The following NFKB1 variants were observed in gnomAD, a reference collection of about 807,000 sequenced individuals.
NFKB1 encodes the protein nuclear factor NF-kappa-B p105 subunit.
In NFKB1, 9 loss-of-function variants were observed where a neutral mutation model predicts 105.1. The ratio of observed to expected loss-of-function variants is 0.09; its 90% CI spans 0.05 to 0.15. NFKB1 has a LOEUF of 0.15. NFKB1 is among the 10% of genes least tolerant of loss of function. The pLI is 1.00. For missense variants in NFKB1, 830 were observed against 1,203.7 expected (o/e 0.69, Z 4.59); for synonymous variants, 440 against 442.2 (o/e 1.00, Z 0.06).
chr4:102,575,852 G>A (rs1462913160), intron 6 of NFKB1, among the ~76,000 whole-genome samples: 3 of 151,810 alleles, frequency 2.0e-5, no homozygotes, highest in South Asian at 2.1e-4. Context: ...TTTCTTCTCC[G>A]TTGTCACACT....
At chr4:102,504,514 A>T (rs1486575088) in intron 1 of NFKB1, among the ~76,000 whole-genome samples, 1 of 152,188 alleles carries the variant, frequency 6.6e-6, no homozygotes, top group Non-Finnish European at 1.5e-5. Flanking sequence ...GAGAAGGAGA[A>T]GGAAAAATAG....
intron 1 of NFKB1, among the ~76,000 whole-genome samples, chr4:102,516,801 T>C (rs544864104): frequency 6.6e-5 from 10 of 152,350 alleles, no homozygotes; most frequent in Non-Finnish European, 1.2e-4. Flanking sequence ...TTAAAACGTG[T>C]TGAGCTTTGT....
intron 1 of NFKB1, chr4:102,503,429 C>T (rs1739216183): frequency 6.6e-6 from 1 of 151,846 alleles, no homozygotes; most frequent in Admixed American, 6.6e-5. Flanking sequence ...ATACTGGAAC[C>T]GAAAAGCTGC....
chr4:102,551,369 C>CGCGCGT (rs1553931304), intron 5 of NFKB1, among the ~76,000 whole-genome samples: 5 of 85,644 alleles, frequency 5.8e-5, no homozygotes, highest in African/African-American at 1.5e-4. Flanking sequence ...TGTGTGTGTG[C>CGCGCGT]GCGCGCGCAT....
At chr4:102,520,669 A>G (rs1229608071) in intron 1 of NFKB1, among the ~76,000 whole-genome samples, 1 of 152,148 alleles carries the variant, frequency 6.6e-6, no homozygotes, top group African/African-American at 2.4e-5. Flanking sequence ...AAAAACTTTC[A>G]GAAATCAGCT....
intron 5 of NFKB1, among the ~76,000 whole-genome samples, chr4:102,557,467 T>C (rs1723072863): frequency 1.3e-5 from 2 of 152,148 alleles, no homozygotes; most frequent in Admixed American, 1.3e-4. Context: ...ACTCCACTAG[T>C]TTGAGATCTT....
At chr4:102,590,083 T>C (rs568136449) in intron 11 of NFKB1, among the ~76,000 whole-genome samples, 1 of 152,342 alleles carries the variant, frequency 6.6e-6, no homozygotes, top group Admixed American at 6.5e-5. Flanking sequence ...CACCAGAGGT[T>C]ACAGATCCCT....
intron 1 of NFKB1, among the ~76,000 whole-genome samples, chr4:102,519,368 T>C (rs922853423): frequency 4.1e-5 from 6 of 147,900 alleles, no homozygotes; most frequent in Non-Finnish European, 7.4e-5. Flanking sequence ...AATATGTAAG[T>C]ATATGTATAT....
At chr4:102,538,011 C>T (rs1438745033) in intron 5 of NFKB1, 55 bp downstream of exon 5, 12 of 1,132,146 alleles carry the variant, frequency 1.1e-5, no homozygotes, top group Admixed American at 5.1e-5. Flanking sequence ...TGATTTCCTA[C>T]GATTTCCAAG....
intron 15 of NFKB1, among the ~76,000 whole-genome samples, chr4:102,599,189 G>T (rs1043862104): frequency 1.3e-5 from 2 of 152,136 alleles, no homozygotes; most frequent in Admixed American, 1.3e-4. Flanking sequence ...GGAAATTTTC[G>T]AGCAGTTTTA....
chr4:102,595,868 C>G (rs540051680), intron 13 of NFKB1, among the ~76,000 whole-genome samples: 2 of 152,072 alleles, frequency 1.3e-5, no homozygotes, highest in Non-Finnish European at 2.9e-5. Context: ...CATAGAAGAG[C>G]TTTATTTCAT....
chr4:102,572,970 T>C (rs1024774409), intron 6 of NFKB1, among the ~76,000 whole-genome samples: 1 of 152,234 alleles, frequency 6.6e-6, no homozygotes, highest in Non-Finnish European at 1.5e-5. Context: ...TCATAGCTTT[T>C]TATTTTATCT....
At chr4:102,597,956 T>C (rs1726779004) in intron 15 of NFKB1, among the ~76,000 whole-genome samples, 1 of 152,218 alleles carries the variant, frequency 6.6e-6, no homozygotes, top group South Asian at 2.1e-4. Flanking sequence ...AGCCTTGCTT[T>C]GTTTATTGAA....
At chr4:102,581,060 G>A (rs1157832711) in intron 9 of NFKB1, among the ~76,000 whole-genome samples, 3 of 152,124 alleles carry the variant, frequency 2.0e-5, no homozygotes, top group Non-Finnish European at 4.4e-5. Flanking sequence ...ATAACACTGA[G>A]AGAACTTCTC....
chr4:102,548,373 G>A (rs550397846), intron 5 of NFKB1, among the ~76,000 whole-genome samples: 1 of 152,280 alleles, frequency 6.6e-6, no homozygotes, highest in East Asian at 1.9e-4. Context: ...CCCATGGGGA[G>A]GCGATCACCA....
intron 5 of NFKB1, among the ~76,000 whole-genome samples, chr4:102,552,225 A>T (rs936870073): frequency 7.2e-5 from 11 of 152,208 alleles, no homozygotes; most frequent in Non-Finnish European, 1.3e-4. Context: ...ACTTCATTCA[A>T]ATGAGGAGTA....
chr4:102,555,009 T>A (rs230510), intron 5 of NFKB1, among the ~76,000 whole-genome samples: 56,724 of 151,992 alleles, frequency 0.37, 11,665 homozygotes, highest in South Asian at 0.48. Context: ...CTTCAAAAAA[T>A]AATCCTTTTA....
intron 16 of NFKB1, among the ~76,000 whole-genome samples, chr4:102,605,968 T>G (rs576495075): frequency 6.0e-4 from 91 of 152,358 alleles, no homozygotes; most frequent in Non-Finnish European, 4.6e-4. Context: ...TTAATTTGAT[T>G]TGTTAATATA....
chr4:102,567,110 G>T lies in NFKB1; in HGVS notation c.382G>T (p.Ala128Ser). The T allele has an allele frequency of 2.5e-6, 4 of 1,613,788 alleles. No individual in the cohort carries two copies. The highest frequency in any genetic ancestry group is 3.4e-6 in the Non-Finnish European group (4 of 1,179,722). The change falls in exon 6 of 24, where the codon GCT (alanine) becomes TCT (serine). Residue 128 changes from alanine (A) to serine (S), a missense_variant. Ala to Ser is a moderately conservative substitution (Grantham distance 99, BLOSUM62 1). This residue lies in a region of NFKB1 where 64 missense variants were observed against 79.9 expected (regional missense o/e 0.80). Transcript: ENST00000226574. ...HCEDGICTVT[A>S]GPKDMVVGFA... ...TGAGGATGGGATCTGCACTGTAACT[G>T]CTGGACCCAAGGACATGGTGGTCGG...
Sources: allele counts gnomAD v4.1 joint callset (sites outside exome capture counted in the v4.1 genomes callset), GRCh38; gene constraint gnomAD v4.1.1; regional missense constraint gnomAD v4.1.1; transcripts MANE v1.5; gene names NCBI Gene and HGNC (gene_info 2026-07-23, HGNC 2026-07-21).